LTBP1: variants seen among roughly 807,000 people sequenced by gnomAD.
LTBP1 encodes the protein latent-transforming growth factor beta-binding protein 1.
Under a neutral mutation model 207.6 loss-of-function variants are expected in LTBP1, and 129 were observed. That is an observed-to-expected ratio of 0.62 (90% CI 0.54 to 0.72). The LOEUF is 0.72. LTBP1 is among the 30% of genes least tolerant of loss of function. The pLI is 0.00. For missense variants in LTBP1, 2,281 were observed against 2,217.2 expected, an observed-to-expected ratio of 1.03 and a Z score of -0.58; for synonymous variants, 963 against 833.7, an observed-to-expected ratio of 1.16 and a Z score of -2.67.
chr2:32,959,626 T>A (rs1392493861), intron 2 of LTBP1, among the ~76,000 whole-genome samples: 97 of 115,618 alleles, frequency 8.4e-4, no homozygotes, highest in African/African-American at 2.2e-3. Flanking sequence ...TATATATTTT[T>A]TTTTTTTTTT....
rs1256854147 is a variant in LTBP1 at position 32,947,330 on chromosome 2, G to A, written c.6G>A (p.Ala2=). Residue 2 remains alanine (A), a synonymous_variant, in exon 1 of 34, where the codon GCG becomes GCA. Coordinates refer to ENST00000404816, the MANE Select transcript of LTBP1 (RefSeq NM_206943.4). ...CGCGCCCGCTGGGGCCCGCGATGGC[G>A]GGGGCCTGGCTCAGGTGGGGGCTCC... M[A]GAWLRWGLLL... 2 of 1,238,336 alleles carry A rather than the reference G, an allele frequency of 1.6e-6. No homozygotes were observed. The highest frequency in any genetic ancestry group is 4.3e-5 in the Admixed American group (1 of 23,174). The allele number at this position is 1,238,336 out of a possible 1,614,324, so 76.7% of individuals were successfully genotyped here. A position where few individuals can be genotyped will look rare whatever the true frequency, so the allele number is the denominator to read the frequency against.
At chr2:33,038,900 C>A (rs966832308) in intron 3 of LTBP1, among the ~76,000 whole-genome samples, 10 of 152,192 alleles carry the variant, frequency 6.6e-5, no homozygotes, top group Admixed American at 3.9e-4. Flanking sequence ...GTAGGATCCT[C>A]TGGGGCTGCT....
intron 3 of LTBP1, among the ~76,000 whole-genome samples, chr2:33,097,960 A>G (rs1224245229): frequency 6.6e-6 from 1 of 152,166 alleles, no homozygotes. Flanking sequence ...CTAGACTATT[A>G]TTTCTTAAAG....
At chr2:33,178,041 G>T (rs2086237849) in intron 5 of LTBP1, among the ~76,000 whole-genome samples, 1 of 152,214 alleles carries the variant, frequency 6.6e-6, no homozygotes, top group Non-Finnish European at 1.5e-5. Context: ...TACAGGGATG[G>T]AAAGGAACCT....
chr2:33,206,323 A>G (rs1413043530), intron 7 of LTBP1, among the ~76,000 whole-genome samples: 3 of 152,216 alleles, frequency 2.0e-5, no homozygotes, highest in African/African-American at 7.2e-5. Context: ...AAGCTTAACC[A>G]AATGAGGCAT....
chr2:33,111,373 T>C (rs1439640427), intron 4 of LTBP1, among the ~76,000 whole-genome samples: 1 of 152,192 alleles, frequency 6.6e-6, no homozygotes, highest in Admixed American at 6.5e-5. Context: ...CGGCAGCATC[T>C]GGAGAAAACG....
chr2:32,947,922 G>A (rs1218776672), intron 1 of LTBP1, 104 bp downstream of exon 1: 3 of 1,030,214 alleles, frequency 2.9e-6, no homozygotes, highest in Non-Finnish European at 1.3e-6. Context: ...GGCCAGGGCG[G>A]TCGCGCGCGG....
intron 22 of LTBP1, among the ~76,000 whole-genome samples, chr2:33,302,543 T>C (rs1473789188): frequency 1.3e-5 from 2 of 152,138 alleles, no homozygotes; most frequent in Non-Finnish European, 2.9e-5. Flanking sequence ...GCATCTACAT[T>C]TCTGACCAGA....
chr2:33,184,324 CT>C (rs2086962457), intron 5 of LTBP1, among the ~76,000 whole-genome samples: 1 of 152,130 alleles, frequency 6.6e-6, no homozygotes, highest in African/African-American at 2.4e-5. Flanking sequence ...CCTGTAATAA[CT>C]TTCTTTGTCT....
At chr2:33,147,759 T>G (rs2083170458) in intron 5 of LTBP1, among the ~76,000 whole-genome samples, 1 of 152,220 alleles carries the variant, frequency 6.6e-6, no homozygotes, top group African/African-American at 2.4e-5. Context: ...GAGGGCAGGC[T>G]GCCTTCTTAA....
At chr2:33,376,641 G>A (rs963367203) in intron 31 of LTBP1, among the ~76,000 whole-genome samples, 1 of 152,156 alleles carries the variant, frequency 6.6e-6, no homozygotes, top group African/African-American at 2.4e-5. Context: ...CCATTGCAGT[G>A]ACTTTCAAGG....
At chr2:33,227,242 G>T (rs1283275896) in intron 9 of LTBP1, among the ~76,000 whole-genome samples, 1 of 152,060 alleles carries the variant, frequency 6.6e-6, no homozygotes, top group East Asian at 1.9e-4. Context: ...GGCCAGGCTG[G>T]TCTCGAATTC....
rs1031612827 is a variant in LTBP1, at chr2:33,094,351, A to C, written c.864-16231A>C. Among the ~76,000 whole-genome samples the C allele has an allele frequency of 2.6e-5, 4 of 152,280 alleles. No homozygotes were observed. In the East Asian group the frequency reaches 7.7e-4, roughly 29 times the overall value. ...ATTTTTGCTGTATCTAGGAGACCTA[A>C]TGTAAGATATTGGAACAAGCAGTTG... On this transcript the variant is annotated intron_variant, in intron 3 of 33. Coordinates refer to ENST00000404816, the MANE Select transcript of LTBP1 (RefSeq NM_206943.4).
At chr2:33,120,118 C>T (rs909929459) in intron 4 of LTBP1, among the ~76,000 whole-genome samples, 3 of 149,068 alleles carry the variant, frequency 2.0e-5, no homozygotes, top group African/African-American at 2.5e-5. Context: ...TCAAGAAATA[C>T]GTACATGTAT....
At chr2:32,956,456 C>G (rs1482482296) in intron 2 of LTBP1, among the ~76,000 whole-genome samples, 1 of 152,230 alleles carries the variant, frequency 6.6e-6, no homozygotes, top group Admixed American at 6.5e-5. Flanking sequence ...ACCTTCTTTG[C>G]TCATTCATAA....
intron 3 of LTBP1, among the ~76,000 whole-genome samples, chr2:33,022,104 C>T (rs1487879256): frequency 6.6e-6 from 1 of 152,164 alleles, no homozygotes; most frequent in Non-Finnish European, 1.5e-5. Flanking sequence ...TCTGCAGAGA[C>T]AGCTTCCATA....
chr2:33,168,261 T>G (rs1235923700), intron 5 of LTBP1, among the ~76,000 whole-genome samples: 1 of 151,944 alleles, frequency 6.6e-6, no homozygotes, highest in African/African-American at 2.4e-5. Flanking sequence ...CACATGCCTG[T>G]AGTCCTAGCT....
intron 5 of LTBP1, among the ~76,000 whole-genome samples, chr2:33,179,351 G>T (rs115005850): frequency 0.021 from 3,266 of 152,054 alleles, 40 homozygotes; most frequent in Middle Eastern, 0.034. Context: ...TATTCGTGAA[G>T]TCTTTTAGTT....
chr2:33,051,075 C>G (rs2076715203), intron 3 of LTBP1, among the ~76,000 whole-genome samples: 1 of 152,102 alleles, frequency 6.6e-6, no homozygotes, highest in African/African-American at 2.4e-5. Context: ...ATTCTTCACA[C>G]CATGATTGTG....
Sources: allele counts gnomAD v4.1 joint callset (sites outside exome capture counted in the v4.1 genomes callset), GRCh38; gene constraint gnomAD v4.1.1; transcripts MANE v1.5; gene names NCBI Gene and HGNC (gene_info 2026-07-23, HGNC 2026-07-21).